NEO1: variants seen among roughly 807,000 people sequenced by gnomAD.
The protein encoded by NEO1 is neogenin.
A neutral mutation model predicts 159.7 loss-of-function variants in NEO1; 63 were observed. The ratio of observed to expected loss-of-function variants is 0.39; its 90% CI spans 0.32 to 0.49. NEO1 has a LOEUF of 0.49. Among genes scored for constraint, NEO1 ranks in the 20% least tolerant of loss-of-function variants. The pLI, the probability that NEO1 is intolerant of heterozygous loss-of-function variation, is 0.85. For missense variants in NEO1, 1,615 were observed against 1,831.0 expected (o/e 0.88, Z 2.15); for synonymous variants, 633 against 662.0 (o/e 0.96, Z 0.67).
At chr15:73,135,468 T>C (rs1336517498) in intron 4 of NEO1, among the ~76,000 whole-genome samples, 1 of 152,180 alleles carries the variant, frequency 6.6e-6, no homozygotes, top group Non-Finnish European at 1.5e-5. Context: ...CCTCTTTATG[T>C]TTTCTTTCTG....
chr15:73,293,357 T>C (rs988491086), intron 25 of NEO1, 33 bp from the exon 26 acceptor site: 1 of 1,612,240 alleles, frequency 6.2e-7, no homozygotes, highest in Non-Finnish European at 8.5e-7. Flanking sequence ...TGCAAGCATG[T>C]TAAGCATTTC....
intron 7 of NEO1, among the ~76,000 whole-genome samples, chr15:73,187,103 G>A (rs1427930468): frequency 6.6e-6 from 1 of 152,192 alleles, no homozygotes; most frequent in African/African-American, 2.4e-5. Context: ...ACAATACTGT[G>A]TGTCGAAGAT....
At chr15:73,201,122 C>G (rs1267567609) in intron 7 of NEO1, among the ~76,000 whole-genome samples, 3 of 151,836 alleles carry the variant, frequency 2.0e-5, no homozygotes, top group African/African-American at 7.3e-5. Flanking sequence ...TTATAAATAA[C>G]TAACTTTTAA....
rs763667468 is a variant in NEO1 at position 73,178,435 on chromosome 15, G to T, written c.1291+8G>T. On this transcript the variant is annotated splice_region_variant and intron_variant, in intron 7 of 28. Coordinates refer to ENST00000261908, the MANE Select transcript of NEO1 (RefSeq NM_002499.4). ...TGATAATCCTTGAACATGGTAAGAAGGGCTGAAATAGTCAGATGATAGAGG... is the reference window on the plus strand; with the variant it reads ...TGATAATCCTTGAACATGGTAAGAATGGCTGAAATAGTCAGATGATAGAGG... 1 of 1,613,176 alleles carries T rather than the reference G, an allele frequency of 6.2e-7. No individual in the cohort carries two copies. Among genetic ancestry groups the T allele is most frequent in the South Asian group, 1.1e-5 (1 of 90,922 alleles).
intron 7 of NEO1, among the ~76,000 whole-genome samples, chr15:73,217,335 T>C (rs1363010563): frequency 1.3e-5 from 2 of 149,336 alleles, no homozygotes; most frequent in African/African-American, 4.9e-5. Context: ...TACTGTAGCC[T>C]TGTAGTATAG....
chr15:73,096,233 G>T (rs2070024760), intron 1 of NEO1, among the ~76,000 whole-genome samples: 1 of 152,084 alleles, frequency 6.6e-6, no homozygotes, highest in South Asian at 2.1e-4. Context: ...GGTTGGTTCG[G>T]CTTACACAAT....
chr15:73,298,653 A>C, intron 27 of NEO1, 42 bp downstream of exon 27: 1 of 1,606,448 alleles, frequency 6.2e-7, no homozygotes, highest in Non-Finnish European at 8.5e-7. Context: ...GCACACCTGG[A>C]GTGACCCTTT....
chr15:73,233,837 C>T (rs750123480), intron 7 of NEO1, among the ~76,000 whole-genome samples: 13 of 152,110 alleles, frequency 8.5e-5, no homozygotes, highest in African/African-American at 1.4e-4. Context: ...ATAACATGTA[C>T]GCAGAGCTTC....
At chr15:73,287,392 C>T (rs772662600) in intron 23 of NEO1, among the ~76,000 whole-genome samples, 82 of 152,210 alleles carry the variant, frequency 5.4e-4, no homozygotes, top group Non-Finnish European at 6.2e-4. Context: ...AATAGTTCAA[C>T]GTCTGTATTC....
chr15:73,110,299 A>G (rs752851603), intron 1 of NEO1, among the ~76,000 whole-genome samples: 22 of 152,208 alleles, frequency 1.4e-4, no homozygotes, highest in Admixed American at 2.6e-4. Flanking sequence ...TTTTCTTACA[A>G]TGAACATTAT....
chr15:73,107,617 A>G (rs918338365), intron 1 of NEO1, among the ~76,000 whole-genome samples: 3 of 152,210 alleles, frequency 2.0e-5, no homozygotes, highest in African/African-American at 7.2e-5. Context: ...ATTCCTAAAG[A>G]CGGTGATGTT....
At chr15:73,251,438 G>T (rs893437192) in intron 11 of NEO1, among the ~76,000 whole-genome samples, 1 of 151,002 alleles carries the variant, frequency 6.6e-6, no homozygotes, top group Non-Finnish European at 1.5e-5. Flanking sequence ...ACCTGAGCCC[G>T]GGGAGGTCAA....
chr15:73,122,901 G>A, intron 3 of NEO1, 101 bp downstream of exon 3: 1 of 1,403,892 alleles, frequency 7.1e-7, no homozygotes, highest in East Asian at 2.3e-5. Flanking sequence ...CGGGCGCAGT[G>A]GCTCACACCT....
At chr15:73,063,715 G>A (rs970226604) in intron 1 of NEO1, among the ~76,000 whole-genome samples, 1 of 152,184 alleles carries the variant, frequency 6.6e-6, no homozygotes, top group Admixed American at 6.5e-5. Context: ...AAAAGCAACA[G>A]AAATGTTCCG....
At chr15:73,126,285 G>C in intron 3 of NEO1, 132 bp from the exon 4 acceptor site, 1 of 697,872 alleles carries the variant, frequency 1.4e-6, no homozygotes, top group East Asian at 2.7e-5. Flanking sequence ...GCCTACGCTG[G>C]TCTCAAACTC....
rs751462658 is a variant in NEO1 at position 73,288,349 on chromosome 15, T to C, written c.3447T>C (p.His1149=). ...CCTGCAAATCAGTGAATGGCTCTCATAAGTACAAAGGGAATTCCAAAGATG... is the reference window on the plus strand; with the variant it reads ...CCTGCAAATCAGTGAATGGCTCTCACAAGTACAAAGGGAATTCCAAAGATG... ...RAACKSVNGS[H]KYKGNSKDVK... The change falls in exon 24 of 29, where the codon CAT becomes CAC. Residue 1149 remains histidine (H), a synonymous_variant. Coordinates refer to ENST00000261908, the MANE Select transcript of NEO1 (RefSeq NM_002499.4). 1 of 1,614,148 alleles carries C rather than the reference T, an allele frequency of 6.2e-7. No homozygotes were observed. The highest frequency in any genetic ancestry group is 1.7e-5 in the Admixed American group (1 of 60,014).
intron 18 of NEO1, among the ~76,000 whole-genome samples, chr15:73,272,185 G>A (rs1412140989): frequency 6.6e-6 from 1 of 152,160 alleles, no homozygotes; most frequent in Non-Finnish European, 1.5e-5. Context: ...AATGCCACTT[G>A]ACTTTCCTAC....
intron 26 of NEO1, among the ~76,000 whole-genome samples, chr15:73,296,686 A>C (rs1377488840): frequency 6.6e-6 from 1 of 152,154 alleles, no homozygotes; most frequent in East Asian, 1.9e-4. Context: ...CCCGCAGTGG[A>C]GGCCTGAAGT....
chr15:73,270,609 C>T (rs2041123892), intron 18 of NEO1, among the ~76,000 whole-genome samples, 155 bp downstream of exon 18: 1 of 152,222 alleles, frequency 6.6e-6, no homozygotes, highest in Admixed American at 6.5e-5. Context: ...TTTTTAATTA[C>T]TGAACAAGAA....
Sources: allele counts gnomAD v4.1 joint callset (sites outside exome capture counted in the v4.1 genomes callset), GRCh38; gene constraint gnomAD v4.1.1; transcripts MANE v1.5; gene names NCBI Gene and HGNC (gene_info 2026-07-23, HGNC 2026-07-21).